Variants in CACNA1C observed in about 807,000 individuals in gnomAD.
The protein encoded by CACNA1C is calcium voltage-gated channel subunit alpha1 C, also known as voltage-dependent L-type calcium channel subunit alpha-1C.
A neutral mutation model predicts 229.0 loss-of-function variants in CACNA1C; 30 were observed. That is an observed-to-expected ratio of 0.13 (90% CI 0.10 to 0.18). The LOEUF (loss-of-function observed/expected upper bound fraction) is 0.18. Ranked by LOEUF, CACNA1C falls within the 10% of genes least tolerant of loss-of-function variation. The pLI is 1.00. For synonymous variants in CACNA1C, 1,114 were observed against 1,132.5 expected, an observed-to-expected ratio of 0.98 and a Z score of 0.33; for missense variants, 1,658 against 2,845.0, an observed-to-expected ratio of 0.58 and a Z score of 9.49.
chr12:2,123,047 A>G (rs1565834783), intron 3 of CACNA1C, among the ~76,000 whole-genome samples: 1 of 152,304 alleles, frequency 6.6e-6, no homozygotes, highest in South Asian at 2.1e-4. Context: ...TTTGAGTTGG[A>G]CAGACCTGAC....
chr12:2,128,045 C>A (rs2090834104), intron 3 of CACNA1C, among the ~76,000 whole-genome samples: 1 of 152,184 alleles, frequency 6.6e-6, no homozygotes, highest in South Asian at 2.1e-4. Context: ...CAATAACTGG[C>A]ACACGTAAGG....
intron 1 of CACNA1C, among the ~76,000 whole-genome samples, chr12:2,043,888 C>T (rs2050618224): frequency 6.6e-6 from 1 of 151,036 alleles, no homozygotes; most frequent in African/African-American, 2.4e-5. Flanking sequence ...ATCTCCTGAC[C>T]TCATGATCCA....
chr12:2,160,259 C>A, intron 3 of CACNA1C, among the ~76,000 whole-genome samples: 1 of 152,174 alleles, frequency 6.6e-6, no homozygotes, highest in Middle Eastern at 3.2e-3. Flanking sequence ...TCCACAGATT[C>A]CTAGCTGGCA....
chr12:2,542,392 G>A (rs761542107), intron 9 of CACNA1C, among the ~76,000 whole-genome samples: 6 of 152,144 alleles, frequency 3.9e-5, no homozygotes, highest in Admixed American at 6.5e-5. Flanking sequence ...AGAGCCATTC[G>A]TTTTACAGAG....
rs1159748298 is a variant in CACNA1C, at chr12:2,479,186, T to C, written c.758-6918T>C. On this transcript the variant is annotated intron_variant, in intron 5 of 46. Coordinates refer to ENST00000399655, the MANE Select transcript of CACNA1C (RefSeq NM_000719.7). This position sits in a 1 kb window ranked among gnomAD's most constrained non-coding sequence, Gnocchi z 4.3. ...AGTGCCCTTCACTTGAACACCTGTT[T>C]TTTTTAAGTTTTTAAAAATTGTTTT... Among the ~76,000 whole-genome samples, 3 of 152,120 alleles carry C rather than the reference T, an allele frequency of 2.0e-5. No individual in the cohort carries two copies. Among genetic ancestry groups the C allele is most frequent in the Non-Finnish European group, 4.4e-5 (3 of 68,016 alleles).
At chr12:2,185,810 C>A (rs991302308) in intron 3 of CACNA1C, among the ~76,000 whole-genome samples, 1 of 152,172 alleles carries the variant, frequency 6.6e-6, no homozygotes, top group Admixed American at 6.5e-5. Context: ...TGGGCAGAAG[C>A]GGCCTGGGAG....
chr12:2,518,832 T>G (rs566636362), intron 9 of CACNA1C, among the ~76,000 whole-genome samples: 7 of 152,198 alleles, frequency 4.6e-5, no homozygotes, highest in Non-Finnish European at 8.8e-5. Flanking sequence ...AGCAGATCCT[T>G]AAGGCAGAGC....
At chr12:2,101,198 C>T (rs960919183) in intron 1 of CACNA1C, among the ~76,000 whole-genome samples, 5 of 152,238 alleles carry the variant, frequency 3.3e-5, no homozygotes, top group East Asian at 1.9e-4. Context: ...TCTCCAGTGA[C>T]GGGCTTCTAG....
At chr12:2,051,781 G>A (rs1427236658), upstream of CACNA1C, among the ~76,000 whole-genome samples, 1 of 152,238 alleles carries the variant, frequency 6.6e-6, no homozygotes, top group African/African-American at 2.4e-5. Context: ...GCTTTGAAGA[G>A]ATCAGGAATC....
chr12:2,043,547 A>G (rs1316669927), intron 1 of CACNA1C, among the ~76,000 whole-genome samples: 1 of 151,616 alleles, frequency 6.6e-6, no homozygotes, highest in Non-Finnish European at 1.5e-5. Context: ...CTTACATTTC[A>G]TTCGTCAGGA....
intron 3 of CACNA1C, among the ~76,000 whole-genome samples, chr12:2,172,480 T>C (rs1028290694): frequency 6.6e-6 from 1 of 152,236 alleles, no homozygotes; most frequent in Non-Finnish European, 1.5e-5. Context: ...TTACTAATTA[T>C]GATAATCTCA....
At chr12:2,156,567 G>A (rs1222171485) in intron 3 of CACNA1C, among the ~76,000 whole-genome samples, 1 of 152,212 alleles carries the variant, frequency 6.6e-6, no homozygotes, top group Non-Finnish European at 1.5e-5. Context: ...CCATACAGCT[G>A]CAACCAGTTG....
intron 1 of CACNA1C, among the ~76,000 whole-genome samples, chr12:2,077,319 T>G (rs764217390): frequency 5.9e-5 from 9 of 152,248 alleles, no homozygotes; most frequent in Non-Finnish European, 1.3e-4. Flanking sequence ...TCTGTCTTTT[T>G]CAAGAGAAAG....
In CACNA1C at chr12:2,578,075, A is replaced by C. The variant is rs1051142138; in HGVS notation, c.1896-3515A>C. ...AGTAGAGACGGGGTTTCACCGTGTT[A>C]GCCAGGATGGTCTCGATCTCCTGAC... On this transcript the variant is annotated intron_variant, in intron 13 of 46. Coordinates refer to ENST00000399655, the MANE Select transcript of CACNA1C (RefSeq NM_000719.7). Among the ~76,000 whole-genome samples, 6 of 151,802 alleles carry C rather than the reference A, an allele frequency of 4.0e-5. No individual in the cohort carries two copies. The East Asian group carries it at 7.7e-4, about 20-fold the overall frequency.
rs773228865 is a variant in CACNA1C, at chr12:2,467,507, G to A, written c.757+9801G>A. 1.3e-5 allele frequency among the ~76,000 whole-genome samples: 2 copies of A among 152,152 alleles called. No individual in the cohort carries two copies. The highest frequency in any genetic ancestry group is 4.8e-5 in the African/African-American group (2 of 41,452). ...CAGAAGGGAGGAAGCCCCAGGACCC[G>A]CTCCCCGCCTTCCCACCCAGGCAGC... On this transcript the variant is annotated intron_variant, in intron 5 of 46. Coordinates refer to ENST00000399655, the MANE Select transcript of CACNA1C (RefSeq NM_000719.7). The surrounding 1 kb of genome is among the most constrained non-coding windows in gnomAD (Gnocchi z 4.6).
chr12:2,303,140 G>A (rs539027970), intron 3 of CACNA1C, among the ~76,000 whole-genome samples: 4 of 152,354 alleles, frequency 2.6e-5, no homozygotes, highest in Non-Finnish European at 5.9e-5. Context: ...CCGCTAGTAT[G>A]GACTCGTGAA....
chr12:2,318,037 G>A (rs36120288), intron 3 of CACNA1C, among the ~76,000 whole-genome samples: 13,135 of 152,214 alleles, frequency 0.086, 629 homozygotes, highest in South Asian at 0.14. Flanking sequence ...AGCAGGGGGC[G>A]AGCCGAGGGT....
chr12:2,043,177 A>C (rs2050436880), intron 1 of CACNA1C, among the ~76,000 whole-genome samples: 2 of 152,252 alleles, frequency 1.3e-5, no homozygotes, highest in South Asian at 4.1e-4. Flanking sequence ...TATTATGCTG[A>C]TTGGAACAGA....
chr12:2,161,154 G>T (rs1208134375), intron 3 of CACNA1C, among the ~76,000 whole-genome samples: 5 of 152,224 alleles, frequency 3.3e-5, no homozygotes. Flanking sequence ...AGATGCTTGA[G>T]TTGATAGCTG....
Sources: gnomAD v4.1 joint callset for allele counts (sites outside exome capture counted in the v4.1 genomes callset) on GRCh38, gnomAD v4.1.1 for gene constraint, Gnocchi (gnomAD v3.1) non-coding constraint, MANE v1.5 for transcripts, NCBI Gene and HGNC (gene_info 2026-07-23, HGNC 2026-07-21) for gene names.